MIOS: variants seen among roughly 807,000 people sequenced by gnomAD.
MIOS encodes GATOR2 complex protein MIOS.
In MIOS, 52 loss-of-function variants were observed where a neutral mutation model predicts 96.9. The observed-to-expected ratio is 0.54, with a 90% confidence interval of 0.43 to 0.68. The LOEUF (loss-of-function observed/expected upper bound fraction) is 0.68. MIOS is among the 30% of genes least tolerant of loss of function. The probability of loss-of-function intolerance (pLI) is 0.00; values close to 1 mark genes in which losing one functional copy is unlikely to be tolerated. For missense variants in MIOS, 1,005 were observed against 1,052.8 expected (o/e 0.95, Z 0.63); for synonymous variants, 397 against 359.5 (o/e 1.10, Z -1.18).
chr7:7,574,474 T>C (rs1242053830), intron 5 of MIOS, among the ~76,000 whole-genome samples: 4 of 152,150 alleles, frequency 2.6e-5, no homozygotes, highest in Non-Finnish European at 5.9e-5. Context: ...GAAAACCCAC[T>C]TTGAGAGGTT....
rs1783401885 is a variant in MIOS, at chr7:7,572,904, A to G, written c.429A>G (p.Leu143=). The G allele has an allele frequency of 1.9e-6, 3 of 1,614,216 alleles. No individual in the cohort carries two copies. The highest frequency in any genetic ancestry group is 1.3e-5 in the African/African-American group (1 of 75,064). The part of the protein sequence containing the change: ...LDKHRADFSV[L]IWDICSKYTP... ...AGCACAGAGCTGACTTTTCAGTGCT[A>G]ATATGGGATATCTGCAGCAAATATA... is the stretch of plus-strand genomic sequence containing the variant. Residue 143 remains leucine (L), a synonymous_variant, in exon 4 of 13, where the codon CTA becomes CTG. Coordinates refer to ENST00000340080, the MANE Select transcript of MIOS (RefSeq NM_019005.4). This position sits in a 1 kb window ranked among gnomAD's most constrained non-coding sequence, Gnocchi z 4.8.
intron 5 of MIOS, among the ~76,000 whole-genome samples, chr7:7,577,763 G>A (rs1450994386): frequency 6.6e-6 from 1 of 152,186 alleles, no homozygotes; most frequent in African/African-American, 2.4e-5. Flanking sequence ...CCCATTTTAT[G>A]GCTGCTGTTG....
At position 7,572,897 on chromosome 7, in the gene MIOS, C is replaced by T. The variant is rs1783401674; in HGVS notation, c.422C>T (p.Ser141Leu). 6.2e-7 allele frequency: 1 copy of T among 1,614,130 alleles called. No homozygotes were observed. Among genetic ancestry groups the T allele is most frequent in the Non-Finnish European group, 8.5e-7 (1 of 1,179,992 alleles). ...TTAGATAAGCACAGAGCTGACTTTTCAGTGCTAATATGGGATATCTGCAGC... is the reference window on the plus strand; with the variant it reads ...TTAGATAAGCACAGAGCTGACTTTTTAGTGCTAATATGGGATATCTGCAGC... ...AGLDKHRADFSVLIWDICSKY... is the reference protein window; with the variant it reads ...AGLDKHRADFLVLIWDICSKY... Residue 141 changes from serine (S) to leucine (L), a missense_variant, in exon 4 of 13, where the codon TCA becomes TTA. Ser to Leu is a moderately radical substitution (Grantham distance 145). This residue lies in a region of MIOS where 3 missense variants were observed against 16.4 expected (regional missense o/e 0.18). Transcript: ENST00000340080. This position sits in a 1 kb window ranked among gnomAD's most constrained non-coding sequence, Gnocchi z 4.8.
intron 9 of MIOS, 113 bp from the exon 10 acceptor site, chr7:7,594,867 A>AAAG: frequency 1.3e-6 from 1 of 751,886 alleles, no homozygotes; most frequent in Non-Finnish European, 1.9e-6. Flanking sequence ...TTTGGCAAAA[A>AAAG]AAAAAAAAAA....
chr7:7,568,355 A>G (rs944143110), intron 3 of MIOS, among the ~76,000 whole-genome samples: 3 of 152,204 alleles, frequency 2.0e-5, no homozygotes, highest in African/African-American at 7.2e-5. Context: ...GAGTATTACA[A>G]GATTTGTTAG....
chr7:7,581,830 G>GGCTT (rs1783737351), intron 5 of MIOS: 1 of 152,036 alleles, frequency 6.6e-6, no homozygotes, highest in African/African-American at 2.4e-5. Context: ...TCTTTCAAAG[G>GGCTT]ACTTACTTAA....
chr7:7,588,382 A>C (rs1783951678), intron 7 of MIOS, 116 bp from the exon 8 acceptor site: 2 of 493,610 alleles, frequency 4.1e-6, no homozygotes, highest in Admixed American at 8.4e-5. Flanking sequence ...AATATAACTT[A>C]TTAATAAATT....
At chr7:7,578,699 T>C (rs989042770) in intron 5 of MIOS, among the ~76,000 whole-genome samples, 1 of 151,952 alleles carries the variant, frequency 6.6e-6, no homozygotes, top group Admixed American at 6.6e-5. Context: ...TTGAAAGAAA[T>C]GTTTAAATCC....
rs566341715 is a variant in MIOS, at chr7:7,572,222, C to T, written c.-40-214C>T. Among the ~76,000 whole-genome samples, 2 of 152,194 alleles carry T rather than the reference C, an allele frequency of 1.3e-5. No homozygotes were observed. Among genetic ancestry groups the T allele is most frequent in the African/African-American group, 4.8e-5 (2 of 41,522 alleles). Reference sequence around the variant, plus strand: ...ATAGCCAGGATGGGATTCTCAGATTCCTACCAGCTCATTTTATTGGAAGTG... The same window carrying T: ...ATAGCCAGGATGGGATTCTCAGATTTCTACCAGCTCATTTTATTGGAAGTG... On this transcript the variant is annotated intron_variant, in intron 3 of 12. Transcript: ENST00000340080. The surrounding 1 kb of genome is among the most constrained non-coding windows in gnomAD (Gnocchi z 4.8).
intron 11 of MIOS, among the ~76,000 whole-genome samples, chr7:7,604,396 G>T (rs554690355): frequency 1.4e-4 from 22 of 152,172 alleles, no homozygotes; most frequent in African/African-American, 5.1e-4. Context: ...TTGAAGATTA[G>T]AAATCTGTTG....
At chr7:7,577,952 T>C (rs1303123153) in intron 5 of MIOS, among the ~76,000 whole-genome samples, 5 of 152,162 alleles carry the variant, frequency 3.3e-5, no homozygotes, top group Non-Finnish European at 4.4e-5. Flanking sequence ...TGGGATCTTA[T>C]TTGGATAGAG....
At chr7:7,586,302 AC>A (rs1783886809) in intron 7 of MIOS, among the ~76,000 whole-genome samples, 2 of 152,282 alleles carry the variant, frequency 1.3e-5, no homozygotes, top group South Asian at 4.1e-4. Context: ...AACAGTACTT[AC>A]AGTGGACTAT....
rs979643018 is a variant in MIOS at position 7,599,391 on chromosome 7, C to T, written c.2401+2930C>T. Reference sequence around the variant, plus strand: ...CTGGATTCTGAAACACATCTAAACCCCCAACATGAATTAGGACTATTATAT... The same window carrying T: ...CTGGATTCTGAAACACATCTAAACCTCCAACATGAATTAGGACTATTATAT... On this transcript the variant is annotated intron_variant, in intron 11 of 12. Transcript: ENST00000340080. Among the ~76,000 whole-genome samples the T allele has an allele frequency of 5.3e-5, 8 of 152,178 alleles. No homozygotes were observed. In the South Asian group the frequency reaches 6.2e-4, roughly 12 times the overall value.
chr7:7,573,386 C>T lies in MIOS; in HGVS notation c.911C>T (p.Pro304Leu). 1 of 1,614,046 alleles carries T rather than the reference C, an allele frequency of 6.2e-7. No individual in the cohort carries two copies. ...TATGATATGCAGCATACACCCACTC[C>T]CATTGGGGATGAAACTGAACCCACA... is the stretch of plus-strand genomic sequence containing the variant. ...RLYDMQHTPT[P>L]IGDETEPTII... The change falls in exon 4 of 13, where the codon CCC becomes CTC. Residue 304 changes from proline to leucine, a missense_variant. Pro to Leu is a moderately conservative substitution (Grantham distance 98). This residue lies in a region of MIOS where 865 missense variants were observed against 887.9 expected (regional missense o/e 0.97). Coordinates refer to ENST00000340080, the MANE Select transcript of MIOS (RefSeq NM_019005.4). This position sits in a 1 kb window ranked among gnomAD's most constrained non-coding sequence, Gnocchi z 5.0.
At chr7:7,600,296 A>C (rs565026744) in intron 11 of MIOS, among the ~76,000 whole-genome samples, 1 of 152,214 alleles carries the variant, frequency 6.6e-6, no homozygotes, top group Non-Finnish European at 1.5e-5. Context: ...AAGAGTCAAG[A>C]CCCATCAGTG....
chr7:7,603,728 T>C (rs1281357080), intron 11 of MIOS, among the ~76,000 whole-genome samples: 4 of 152,140 alleles, frequency 2.6e-5, no homozygotes, highest in Non-Finnish European at 4.4e-5. Context: ...ACCCAAAGGA[T>C]TATAAATCAT....
chr7:7,591,847 T>G (rs1280930275), intron 9 of MIOS, among the ~76,000 whole-genome samples: 1 of 152,200 alleles, frequency 6.6e-6, no homozygotes, highest in Non-Finnish European at 1.5e-5. Context: ...TATTTTTTTC[T>G]GCCTCAATCT....
Position 7,573,970 on chromosome 7 carries a change from A to C in MIOS, c.1295-128A>C. ...GATTGTGTAGGAGGAAGAAAAGTGT[A>C]TCTCTGCAATAGAGTCGAACCACCT... On this transcript the variant is annotated intron_variant, in intron 4 of 12. Coordinates refer to ENST00000340080, the MANE Select transcript of MIOS (RefSeq NM_019005.4). The surrounding 1 kb of genome is among the most constrained non-coding windows in gnomAD (Gnocchi z 5.0). The C allele has an allele frequency of 1.1e-6, 1 of 882,556 alleles. No individual in the cohort carries two copies. The allele number at this position is 882,556 out of a possible 1,614,324, so 54.7% of individuals were successfully genotyped here.
chr7:7,589,588 T>C (rs1340079514), intron 9 of MIOS, 25 bp downstream of exon 9: 1 of 1,569,882 alleles, frequency 6.4e-7, no homozygotes, highest in Non-Finnish European at 8.6e-7. Context: ...ACAGCAGCTT[T>C]TAAAAAAGTA....
Sources: allele counts gnomAD v4.1 joint callset (sites outside exome capture counted in the v4.1 genomes callset), GRCh38; gene constraint gnomAD v4.1.1; regional missense constraint gnomAD v4.1.1; non-coding constraint Gnocchi (gnomAD v3.1); transcripts MANE v1.5; gene names NCBI Gene and HGNC (gene_info 2026-07-23, HGNC 2026-07-21).